P2RX6: variants seen among roughly 807,000 people sequenced by gnomAD.
P2RX6 encodes purinergic receptor P2X 6.
In P2RX6, 62 loss-of-function variants were observed where a neutral mutation model predicts 54.2. The observed-to-expected ratio is 1.14, with a 90% confidence interval of 0.93 to 1.41. The LOEUF (loss-of-function observed/expected upper bound fraction) is 1.41. Among genes scored for constraint, P2RX6 ranks in the 40% most tolerant of loss-of-function variants. The pLI is 0.00. For missense variants in P2RX6, 541 were observed against 566.3 expected (o/e 0.96, Z 0.45); for synonymous variants, 211 against 231.9 (o/e 0.91, Z 0.82).
intron 2 of P2RX6, 109 bp from the exon 3 acceptor site, chr22:21,017,880 A>T: frequency 1.4e-6 from 1 of 735,582 alleles, no homozygotes; most frequent in Non-Finnish European, 2.5e-6. Flanking sequence ...GGACAGGGTT[A>T]ATGACTTGAT....
upstream of P2RX6, among the ~76,000 whole-genome samples, chr22:21,014,758 T>A (rs2147994934): frequency 6.6e-6 from 1 of 152,254 alleles, no homozygotes; most frequent in African/African-American, 2.4e-5. Context: ...TCCCCATCTT[T>A]GTCTGCTTGT....
chr22:21,019,325 G>GT (rs1380572112), intron 3 of P2RX6, among the ~76,000 whole-genome samples: 1 of 151,090 alleles, frequency 6.6e-6, no homozygotes, highest in Non-Finnish European at 1.5e-5. Context: ...TTGTTTGTTT[G>GT]TTTTTTTGAG....
upstream of P2RX6, among the ~76,000 whole-genome samples, chr22:21,012,002 T>C (rs1925762523): frequency 6.6e-6 from 1 of 152,198 alleles, no homozygotes; most frequent in Admixed American, 6.5e-5. Context: ...ACTCTGCTGA[T>C]CACTTCAGGA....
At chr22:21,012,442 A>C, upstream of P2RX6, 1 of 424,400 alleles carries the variant, frequency 2.4e-6, no homozygotes, top group Admixed American at 3.1e-5. Flanking sequence ...CCCAGGTGAC[A>C]TGGCCCAGCT....
chr22:21,012,582 A>T (rs1022473743), upstream of P2RX6: 3 of 615,436 alleles, frequency 4.9e-6, no homozygotes, highest in East Asian at 1.1e-4. Context: ...TACCTGCCCC[A>T]TAGAGCCCAC....
intron 3 of P2RX6, among the ~76,000 whole-genome samples, chr22:21,021,135 T>C (rs1421013194): frequency 1.3e-5 from 2 of 151,716 alleles, no homozygotes. Flanking sequence ...TTTGTTTTCT[T>C]TTTCTCTTTT....
chr22:21,012,614 T>G (rs1317464002), upstream of P2RX6: 1 of 600,392 alleles, frequency 1.7e-6, no homozygotes, highest in East Asian at 3.7e-5. Context: ...TTCAGCCACT[T>G]GACATATGGA....
intron 3 of P2RX6, among the ~76,000 whole-genome samples, chr22:21,020,434 C>T (rs867442979): frequency 4.6e-5 from 7 of 152,054 alleles, no homozygotes; most frequent in South Asian, 2.1e-4. Context: ...CCCCGCTGGG[C>T]CAGGGGGCTA....
intron 3 of P2RX6, 139 bp downstream of exon 3, chr22:21,018,199 C>A: frequency 1.5e-6 from 1 of 683,002 alleles, no homozygotes. Flanking sequence ...TGGGCTACAT[C>A]TTTTCCTGAA....
intron 8 of P2RX6, among the ~76,000 whole-genome samples, chr22:21,024,165 G>A (rs1372196172): frequency 6.6e-6 from 1 of 151,848 alleles, no homozygotes; most frequent in East Asian, 1.9e-4. Context: ...CACAATGTTG[G>A]CCAGGCTGGT....
Position 21,023,586 on chromosome 22 carries a change from C to T in P2RX6, c.858C>T (p.Ser286=). Residue 286 remains serine (S), a synonymous_variant, in exon 8 of 12, where the codon TCC becomes TCT. Transcript: ENST00000413302. Reference sequence around the variant, plus strand: ...ACTCTGGCTGCTGGCCTCACTACTCCTTCCAGCTGCAGGAGAAGAGCTACA... The same window carrying T: ...ACTCTGGCTGCTGGCCTCACTACTCTTTCCAGCTGCAGGAGAAGAGCTACA... ...TGDSGCWPHY[S]FQLQEKSYNF... The T allele has an allele frequency of 1.2e-6, 2 of 1,612,454 alleles. No homozygotes were observed. Among genetic ancestry groups the T allele is most frequent in the South Asian group, 2.2e-5 (2 of 90,722 alleles).
At chr22:21,023,447 G>C (rs765380858) in intron 7 of P2RX6, 31 bp downstream of exon 7, 3 of 1,613,788 alleles carry the variant, frequency 1.9e-6, no homozygotes, top group South Asian at 2.2e-5. Context: ...AGGGTTCCTA[G>C]AGGGCTCTGG....
At position 21,015,292 on chromosome 22, in the gene P2RX6, G is replaced by A. The variant is rs765463729; in HGVS notation, c.118G>A (p.Ala40Thr). The A allele has an allele frequency of 9.6e-6, 15 of 1,556,412 alleles. No homozygotes were observed. The East Asian group carries it at 2.5e-4, about 26-fold the overall frequency. The change falls in exon 1 of 12, where the codon GCC (alanine) becomes ACC (threonine). Residue 40 changes from alanine (A) to threonine (T), a missense_variant. This residue lies in a region of P2RX6 where 526 missense variants were observed against 531.5 expected (regional missense o/e 0.99). Transcript: ENST00000413302. ...YVMTRNWRVG[A>T]LQRLLQFGIV... The stretch of plus-strand genomic sequence containing the variant: ...GATGACCAGGAACTGGCGGGTGGGC[G>A]CCCTGCAGAGGCTGCTGCAGTTTGG...
chr22:21,012,049 T>C (rs1925764996), upstream of P2RX6, among the ~76,000 whole-genome samples: 1 of 152,146 alleles, frequency 6.6e-6, no homozygotes, highest in Admixed American at 6.5e-5. Flanking sequence ...GCCCCAAGCC[T>C]ATGAGGTCTT....
chr22:21,022,746 G>A lies in P2RX6; in HGVS notation c.458G>A (p.Ser153Asn), dbSNP rs758205905. The change falls in exon 4 of 12, where the codon AGC becomes AAC. Residue 153 changes from serine (S) to asparagine (N), a missense_variant. Coordinates refer to ENST00000413302, the MANE Select transcript of P2RX6 (RefSeq NM_005446.5). ...CCCGAAGGGGAGGGAGGCACACACAGCCACGGTAACTGTGGGCTCTGTCTT... is the reference window on the plus strand; with the variant it reads ...CCCGAAGGGGAGGGAGGCACACACAACCACGGTAACTGTGGGCTCTGTCTT... ...DCPEGEGGTH[S>N]HGVKTGQCVV... 5.1e-6 allele frequency: 8 copies of A among 1,569,520 alleles called. No individual in the cohort carries two copies. The highest frequency in any genetic ancestry group is 1.7e-4 in the Middle Eastern group (1 of 5,812).
At position 21,022,355 on chromosome 22, in the gene P2RX6, CAG is replaced by C. The variant is rs1258671074; in HGVS notation, c.388-318_388-317del. Among the ~76,000 whole-genome samples the C allele has an allele frequency of 2.6e-5, 4 of 152,314 alleles. No individual in the cohort carries two copies. The East Asian group carries it at 7.7e-4, about 29-fold the overall frequency. ...TACCACTGCACTAGAGCCTGGACAA[CAG>C]AGTGAGACCGAATCACTAAAAATAA... On this transcript the variant is annotated intron_variant, in intron 3 of 11. Coordinates refer to ENST00000413302, the MANE Select transcript of P2RX6 (RefSeq NM_005446.5).
chr22:21,013,959 G>A (rs975519219), upstream of P2RX6: 1 of 152,540 alleles, frequency 6.6e-6, no homozygotes, highest in African/African-American at 2.4e-5. Context: ...CCCGCAGAGG[G>A]CTACGTGCCC....
rs753923880 is a variant in P2RX6 at position 21,023,018 on chromosome 22, G to C, written c.540G>C (p.Glu180Asp). The C allele has an allele frequency of 2.5e-4, 396 of 1,613,372 alleles. 4 individuals carry two copies. Among genetic ancestry groups the C allele is most frequent in the Non-Finnish European group, 1.0e-5 (12 of 1,179,522 alleles). Residue 180 changes from glutamate to aspartate, a missense_variant, in exon 5 of 12, where the codon GAG becomes GAC. Transcript: ENST00000413302. Reference protein sequence around the residue: ...TCEIWSWCPVESGVVPSRPLL... With the variant: ...TCEIWSWCPVDSGVVPSRPLL... ...AGATCTGGAGTTGGTGCCCCGTGGA[G>C]AGTGGCGTTGTGCCCTCGTAAGTGT... is the stretch of plus-strand genomic sequence containing the variant.
At position 21,024,818 on chromosome 22, in the gene P2RX6, AC is replaced by A. The variant is rs1257941719; in HGVS notation, c.891-986del. Among the ~76,000 whole-genome samples, 15 of 131,464 alleles carry A rather than the reference AC, an allele frequency of 1.1e-4. No individual in the cohort carries two copies. The East Asian group carries it at 3.3e-3, about 29-fold the overall frequency. 86.2% of individuals were successfully genotyped at this position (131,464 alleles called of 152,430 possible). On this transcript the variant is annotated intron_variant, in intron 8 of 11. Transcript: ENST00000413302. ...ACTTCTGACCTCAGGTGATCTGCCCACTTCAGCCTCCCAAAGTGCTGGGATT... is the reference window on the plus strand; with the variant it reads ...ACTTCTGACCTCAGGTGATCTGCCCATTCAGCCTCCCAAAGTGCTGGGATT...
Sources: gnomAD v4.1 joint callset for allele counts (sites outside exome capture counted in the v4.1 genomes callset) on GRCh38, gnomAD v4.1.1 for gene constraint, gnomAD v4.1.1 regional missense constraint, MANE v1.5 for transcripts, NCBI Gene and HGNC (gene_info 2026-07-23, HGNC 2026-07-21) for gene names.